ELAVL3: variants seen among roughly 807,000 people sequenced by gnomAD.
The protein encoded by ELAVL3 is ELAV like RNA binding protein 3, also known as ELAV-like protein 3.
In ELAVL3, 8 loss-of-function variants were observed where a neutral mutation model predicts 34.2. The ratio of observed to expected loss-of-function variants is 0.23; its 90% CI spans 0.14 to 0.42. ELAVL3 has a LOEUF of 0.42. Ranked by LOEUF, ELAVL3 falls within the 10% of genes least tolerant of loss-of-function variation. The probability of loss-of-function intolerance (pLI) is 1.00; values close to 1 mark genes in which losing one functional copy is unlikely to be tolerated. For missense variants in ELAVL3, 273 were observed against 518.8 expected (o/e 0.53, Z 4.60); for synonymous variants, 209 against 222.1 (o/e 0.94, Z 0.53).
intron 1 of ELAVL3, among the ~76,000 whole-genome samples, chr19:11,469,773 G>A (rs1953930458): frequency 6.6e-6 from 1 of 152,166 alleles, no homozygotes; most frequent in African/African-American, 2.4e-5. Context: ...AATGGTAGAA[G>A]TTGGCTGGGT....
Position 11,480,192 on chromosome 19 carries a change from G to T in ELAVL3, c.9+408C>A. On this transcript the variant is annotated intron_variant, in intron 1 of 6. Coordinates refer to ENST00000359227, the MANE Select transcript of ELAVL3 (RefSeq NM_001420.4). The surrounding 1 kb of genome is among the most constrained non-coding windows in gnomAD (Gnocchi z 6.8). ...GCCACCCGCTTTCCCAGGGCTCTCG[G>T]GGACGCTTTGTCGCTTTGGCTTGGC... The T allele has an allele frequency of 5.5e-6, 1 of 181,388 alleles. No homozygotes were observed. Among genetic ancestry groups the T allele is most frequent in the Non-Finnish European group, 1.1e-5 (1 of 87,632 alleles). 11.2% of individuals were successfully genotyped at this position (181,388 alleles called of 1,614,324 possible).
At chr19:11,471,638 G>C (rs1339115593) in intron 1 of ELAVL3, among the ~76,000 whole-genome samples, 2 of 151,398 alleles carry the variant, frequency 1.3e-5, no homozygotes, top group East Asian at 3.9e-4. Flanking sequence ...TTTTTTTGTA[G>C]AGATGGGGTG....
chr19:11,474,500 G>A (rs182268741), intron 1 of ELAVL3, among the ~76,000 whole-genome samples: 5 of 152,304 alleles, frequency 3.3e-5, no homozygotes, highest in Admixed American at 3.3e-4. Flanking sequence ...GGGAGGCTGA[G>A]GCAGAATTGC....
chr19:11,461,066 C>G (rs1431438923), intron 3 of ELAVL3, among the ~76,000 whole-genome samples: 1 of 151,254 alleles, frequency 6.6e-6, no homozygotes, highest in Non-Finnish European at 1.5e-5. Context: ...GTGGTCCCAG[C>G]TACTCGGGAG....
Position 11,458,666 on chromosome 19 carries a change from G to A in ELAVL3, c.334-55C>T, listed in dbSNP as rs1044695273. ...GAGGCAGAGACCCATTTCACAGATG[G>A]AGAGAGTGAGGCCATGTCTAAACCA... On this transcript the variant is annotated intron_variant, in intron 3 of 6. Transcript: ENST00000359227. The surrounding 1 kb of genome is among the most constrained non-coding windows in gnomAD (Gnocchi z 7.3). 3.8e-6 allele frequency: 6 copies of A among 1,598,850 alleles called. No homozygotes were observed. The African/African-American group carries it at 4.0e-5, about 11-fold the overall frequency.
At chr19:11,469,016 C>T (rs899542454) in intron 1 of ELAVL3, among the ~76,000 whole-genome samples, 29 of 152,132 alleles carry the variant, frequency 1.9e-4, no homozygotes, top group Admixed American at 7.9e-4. Context: ...GCCTTCCAGG[C>T]TCCAGCAATC....
At chr19:11,471,568 G>A (rs368953127) in intron 1 of ELAVL3, among the ~76,000 whole-genome samples, 3 of 151,868 alleles carry the variant, frequency 2.0e-5, no homozygotes, top group South Asian at 2.1e-4. Flanking sequence ...AGCTGAGATC[G>A]CGCCATTGCA....
In ELAVL3 at chr19:11,466,435, T is replaced by G. The variant is rs1335725271; in HGVS notation, c.230-160A>C. ...GAGTCCCACCTGCCTCCATCGCTCC[T>G]GAGACCTTCACCTAGGGGGTATACC... On this transcript the variant is annotated intron_variant, in intron 2 of 6. Coordinates refer to ENST00000359227, the MANE Select transcript of ELAVL3 (RefSeq NM_001420.4). The surrounding 1 kb of genome is among the most constrained non-coding windows in gnomAD (Gnocchi z 5.0). 6.6e-6 allele frequency among the ~76,000 whole-genome samples: 1 copy of G among 151,844 alleles called. No homozygotes were observed. Among genetic ancestry groups the G allele is most frequent in the Non-Finnish European group, 1.5e-5 (1 of 67,946 alleles).
In ELAVL3 at chr19:11,466,284, A is replaced by G. The variant is rs1971050901; in HGVS notation, c.230-9T>C. Reference sequence around the variant, plus strand: ...GTAGCCAAGGCTCTGCCCTGTGGGCAGAACCAGAATGATGACCTTCCCACC... The same window carrying G: ...GTAGCCAAGGCTCTGCCCTGTGGGCGGAACCAGAATGATGACCTTCCCACC... On this transcript the variant is annotated splice_polypyrimidine_tract_variant and intron_variant, in intron 2 of 6. Transcript: ENST00000359227. This position sits in a 1 kb window ranked among gnomAD's most constrained non-coding sequence, Gnocchi z 5.0. The G allele has an allele frequency of 1.2e-6, 2 of 1,613,016 alleles. No individual in the cohort carries two copies. Among genetic ancestry groups the G allele is most frequent in the African/African-American group, 1.3e-5 (1 of 74,814 alleles).
In ELAVL3 at chr19:11,466,961, CTAATGATGGGAA is replaced by C. The variant is rs570171968; in HGVS notation, c.10-146_10-135del. ...CATGGGGAGGGGTCACTTTATTATT[CTAATGATGGGAA>C]TAATGATGGGATTCCATATATTGGA... On this transcript the variant is annotated intron_variant, in intron 1 of 6. Transcript: ENST00000359227. This position sits in a 1 kb window ranked among gnomAD's most constrained non-coding sequence, Gnocchi z 5.0. 1.8e-3 allele frequency: 1,203 copies of C among 664,004 alleles called. 4 individuals are homozygous for C. Among genetic ancestry groups the C allele is most frequent in the Middle Eastern group, 0.01 (25 of 2,484 alleles). The allele number at this position is 664,004 out of a possible 1,614,324, so 41.1% of individuals were successfully genotyped here. A position where few individuals can be genotyped will look rare whatever the true frequency, so the allele number is the denominator to read the frequency against.
At chr19:11,465,689 T>TC (rs923186839) in intron 3 of ELAVL3, among the ~76,000 whole-genome samples, 2 of 151,812 alleles carry the variant, frequency 1.3e-5, no homozygotes, top group Admixed American at 6.6e-5. Flanking sequence ...CCATGACGAT[T>TC]CCCCCCCAGG....
Position 11,454,599 on chromosome 19 carries a change from C to T in ELAVL3, c.1031G>A (p.Ser344Asn), listed in dbSNP as rs776585368. 1 of 1,614,210 alleles carries T rather than the reference C, an allele frequency of 6.2e-7. No individual in the cohort carries two copies. Among genetic ancestry groups the T allele is most frequent in the Admixed American group, 1.7e-5 (1 of 60,034 alleles). Residue 344 changes from serine to asparagine, a missense_variant, in exon 7 of 7, where the codon AGC (serine) becomes AAC (asparagine). Physicochemically the swap from Ser to Asn is conservative, Grantham distance 46 (BLOSUM62 1). This residue lies in a region of ELAVL3 where 52 missense variants were observed against 119.6 expected (regional missense o/e 0.43). Coordinates refer to ENST00000359227, the MANE Select transcript of ELAVL3 (RefSeq NM_001420.4). The surrounding 1 kb of genome is among the most constrained non-coding windows in gnomAD (Gnocchi z 9.2). The stretch of plus-strand genomic sequence containing the variant: ...CTCGCCCAGGCGATAGCCGTTCAGG[C>T]TGGCGATGGCCATGGCCGCCTCGTC... ...NYDEAAMAIA[S>N]LNGYRLGERV... is the part of the protein sequence containing the mutation.
Position 11,451,965 on chromosome 19 carries a change from A to AGCAGGGGAGAGGGGTCCCTGCCCTGCT in ELAVL3, c.*2534_*2560dup, listed in dbSNP as rs961334290. 2.6e-5 allele frequency: 4 copies of AGCAGGGGAGAGGGGTCCCTGCCCTGCT among 152,162 alleles called. No individual in the cohort carries two copies. The highest frequency in any genetic ancestry group is 2.1e-4 in the South Asian group (1 of 4,830). The allele number at this position is 152,162 out of a possible 1,614,324, so 9.4% of individuals were successfully genotyped here. A position where few individuals can be genotyped will look rare whatever the true frequency, so the allele number is the denominator to read the frequency against. On this transcript the variant is annotated 3_prime_UTR_variant, in exon 7 of 7. Coordinates refer to ENST00000359227, the MANE Select transcript of ELAVL3 (RefSeq NM_001420.4). ...CGGAGGGGAGAGAGCCCCAAGAGAC[A>AGCAGGGGAGAGGGGTCCCTGCCCTGCT]GCAGGGGAGAGGGGTCCCTGCCCTG...
chr19:11,466,798 C>A lies in ELAVL3; in HGVS notation c.39G>T (p.Val13=), dbSNP rs373130061. ...GGGCCGGGCCGGCCGGGCCCCCCCC[C>A]ACCTGAGACTCCATGGCCCCCAGTA... The part of the protein sequence containing the change: ...TQILGAMESQ[V]GGGPAGPALP... The change falls in exon 2 of 7, where the codon GTG becomes GTT. Residue 13 remains valine, a synonymous_variant. Coordinates refer to ENST00000359227, the MANE Select transcript of ELAVL3 (RefSeq NM_001420.4). This position sits in a 1 kb window ranked among gnomAD's most constrained non-coding sequence, Gnocchi z 5.0. 92 of 1,611,150 alleles carry A rather than the reference C, an allele frequency of 5.7e-5. No individual in the cohort carries two copies. Among genetic ancestry groups the A allele is most frequent in the South Asian group, 3.0e-4 (27 of 90,860 alleles).
In ELAVL3 at chr19:11,458,748, C is replaced by T; in HGVS notation, c.334-137G>A. 2 of 1,197,930 alleles carry T rather than the reference C, an allele frequency of 1.7e-6. No individual in the cohort carries two copies. The highest frequency in any genetic ancestry group is 2.3e-6 in the Non-Finnish European group (2 of 857,850). The allele number at this position is 1,197,930 out of a possible 1,614,324, so 74.2% of individuals were successfully genotyped here. On this transcript the variant is annotated intron_variant, in intron 3 of 6. Coordinates refer to ENST00000359227, the MANE Select transcript of ELAVL3 (RefSeq NM_001420.4). This position sits in a 1 kb window ranked among gnomAD's most constrained non-coding sequence, Gnocchi z 7.3. ...ACTCAATAAGTATCTCTAGAGTTGT[C>T]ACCGTGGGGTGGGGCTGAGTCAGAT...
chr19:11,465,099 C>T (rs1971010322), intron 3 of ELAVL3, among the ~76,000 whole-genome samples: 1 of 144,016 alleles, frequency 6.9e-6, no homozygotes, highest in Admixed American at 6.9e-5. Context: ...ACACACCACA[C>T]ACACATACAC....
At chr19:11,470,094 C>T (rs1251904776) in intron 1 of ELAVL3, among the ~76,000 whole-genome samples, 1 of 152,068 alleles carries the variant, frequency 6.6e-6, no homozygotes, top group Non-Finnish European at 1.5e-5. Flanking sequence ...GTGGCTCAAG[C>T]CTGTAATCCC....
chr19:11,467,797 CTTTT>C (rs2144900093), intron 1 of ELAVL3, among the ~76,000 whole-genome samples: 1 of 145,512 alleles, frequency 6.9e-6, no homozygotes, highest in South Asian at 2.2e-4. Flanking sequence ...TTTTTAGTAG[CTTTT>C]ATTTTAGAAA....
intron 3 of ELAVL3, among the ~76,000 whole-genome samples, chr19:11,464,167 ATTTTTTT>A (rs1236599277): frequency 5.8e-5 from 6 of 103,850 alleles, no homozygotes; most frequent in African/African-American, 2.6e-4. Flanking sequence ...ATATATATAT[ATTTTTTT>A]TTTTTTTAGA....
Sources: gnomAD v4.1 joint callset for allele counts (sites outside exome capture counted in the v4.1 genomes callset) on GRCh38, gnomAD v4.1.1 for gene constraint, gnomAD v4.1.1 regional missense constraint, Gnocchi (gnomAD v3.1) non-coding constraint, MANE v1.5 for transcripts, NCBI Gene and HGNC (gene_info 2026-07-23, HGNC 2026-07-21) for gene names.